Variants in SECISBP2L observed in about 807,000 individuals in gnomAD.
SECISBP2L encodes the protein selenocysteine insertion sequence-binding protein 2-like.
SECISBP2L carries 43 observed loss-of-function variants against 114.7 expected under a neutral mutation model. The ratio of observed to expected loss-of-function variants is 0.38; its 90% CI spans 0.29 to 0.48. The LOEUF is 0.48. Ranked by LOEUF, SECISBP2L falls within the 20% of genes least tolerant of loss-of-function variation. SECISBP2L has a pLI of 0.98. For missense variants in SECISBP2L, 1,136 were observed against 1,301.1 expected (o/e 0.87, Z 1.95); for synonymous variants, 451 against 439.7 (o/e 1.03, Z -0.32).
chr15:49,005,638 A>G (rs1335437981), intron 14 of SECISBP2L, among the ~76,000 whole-genome samples: 1 of 122,772 alleles, frequency 8.1e-6, no homozygotes, highest in East Asian at 2.5e-4. Flanking sequence ...TTTTGAGCCT[A>G]TGTGTGTCTT....
chr15:48,999,580 C>G (rs1230358672), intron 16 of SECISBP2L, among the ~76,000 whole-genome samples: 1 of 152,002 alleles, frequency 6.6e-6, no homozygotes, highest in East Asian at 1.9e-4. Context: ...TGCAGTTGAG[C>G]CTGGAAGAAA....
At chr15:49,016,801 A>G (rs779208618) in intron 10 of SECISBP2L, 47 bp downstream of exon 10, 1 of 1,587,112 alleles carries the variant, frequency 6.3e-7, no homozygotes. Flanking sequence ...ATTCCATCAA[A>G]CCTAGCAAGT....
Position 48,992,557 on chromosome 15 carries a change from T to C in SECISBP2L, c.2993A>G (p.Glu998Gly). ...GGGTTCATGAGTATAATCTTCCTCC[T>C]CCTCCTCATCTTCATCTTCTTCTTC... ...LEEEEDEDEE[E>G]EEDYTHEPIS... The change falls in exon 18 of 18, where the codon GAG becomes GGG. Residue 998 changes from glutamate (E) to glycine (G), a missense_variant. Glu to Gly is a moderately conservative substitution (Grantham distance 98, BLOSUM62 -2). Coordinates refer to ENST00000559471, the MANE Select transcript of SECISBP2L (RefSeq NM_001193489.2). 1 of 1,614,114 alleles carries C rather than the reference T, an allele frequency of 6.2e-7. No individual in the cohort carries two copies. Among genetic ancestry groups the C allele is most frequent in the South Asian group, 1.1e-5 (1 of 91,086 alleles).
In SECISBP2L at chr15:49,041,899, T is replaced by C. The variant is rs1405011194; in HGVS notation, c.25-4130A>G. On this transcript the variant is annotated intron_variant, in intron 1 of 17. Transcript: ENST00000559471. ...CTTAAGAGATAACTACTAGCTGTGC[T>C]GTTTTTTTGATTAAAATGCCGAAAC... Among the ~76,000 whole-genome samples the C allele has an allele frequency of 5.9e-5, 9 of 152,268 alleles. No individual in the cohort carries two copies. The South Asian group carries it at 1.7e-3, about 28-fold the overall frequency.
rs61663836 is a variant in SECISBP2L at position 49,010,124 on chromosome 15, G to GAC, written c.1865-748_1865-747dup. 7.4e-3 allele frequency among the ~76,000 whole-genome samples: 1,032 copies of GAC among 138,812 alleles called. 8 individuals are homozygous for GAC. Among genetic ancestry groups the GAC allele is most frequent in the South Asian group, 0.042 (177 of 4,192 alleles). The allele number at this position is 138,812 out of a possible 152,430, so 91.1% of individuals were successfully genotyped here. ...TCCAGCCTGGGCAACAACAGAGGCAGACACACACACACACACACACACACA... is the reference window on the plus strand; with the variant it reads ...TCCAGCCTGGGCAACAACAGAGGCAGACACACACACACACACACACACACACA... On this transcript the variant is annotated intron_variant, in intron 13 of 17. Coordinates refer to ENST00000559471, the MANE Select transcript of SECISBP2L (RefSeq NM_001193489.2).
chr15:49,046,236 C>A, intron 1 of SECISBP2L, 40 bp downstream of exon 1: 1 of 1,571,026 alleles, frequency 6.4e-7, no homozygotes, highest in Non-Finnish European at 8.6e-7. Flanking sequence ...AGCGGCGACC[C>A]CAACCCCCGG....
At chr15:49,012,993 T>C in intron 11 of SECISBP2L, 176 bp from the exon 12 acceptor site, 1 of 606,918 alleles carries the variant, frequency 1.6e-6, no homozygotes, top group East Asian at 2.9e-5. Context: ...TTACCTATCC[T>C]TTAGAGACTA....
At chr15:49,015,323 A>G (rs986758536) in intron 11 of SECISBP2L, among the ~76,000 whole-genome samples, 2 of 152,148 alleles carry the variant, frequency 1.3e-5, no homozygotes, top group African/African-American at 4.8e-5. Flanking sequence ...CCATCTCAAC[A>G]TGCAACTCTA....
intron 1 of SECISBP2L, among the ~76,000 whole-genome samples, chr15:49,038,306 G>T (rs1281023125): frequency 6.6e-6 from 1 of 151,882 alleles, no homozygotes; most frequent in Admixed American, 6.6e-5. Context: ...TTAAACTGGG[G>T]AAAATATGAG....
At chr15:48,998,036 G>T (rs757696677) in intron 16 of SECISBP2L, among the ~76,000 whole-genome samples, 1 of 152,126 alleles carries the variant, frequency 6.6e-6, no homozygotes, top group Non-Finnish European at 1.5e-5. Flanking sequence ...CCTGTTAAAT[G>T]TCCAATTTAG....
intron 8 of SECISBP2L, 88 bp from the exon 9 acceptor site, chr15:49,017,716 G>T: frequency 1.2e-6 from 1 of 830,700 alleles, no homozygotes; most frequent in South Asian, 1.7e-5. Flanking sequence ...AAATGAGGAA[G>T]TTATTTCTTG....
At chr15:49,000,790 T>C (rs560730386) in intron 15 of SECISBP2L, 87 bp downstream of exon 15, 2 of 1,080,172 alleles carry the variant, frequency 1.9e-6, no homozygotes, top group Admixed American at 2.8e-5. Context: ...TAAACTCTGA[T>C]GAGAAAGACA....
intron 14 of SECISBP2L, among the ~76,000 whole-genome samples, chr15:49,004,060 GTCTGGTTCTAGGCTTTTTT>G (rs548785339): frequency 2.6e-5 from 4 of 152,238 alleles, no homozygotes; most frequent in Non-Finnish European, 5.9e-5. Context: ...CTGTGAATAT[GTCTGGTTCTAGGCTTTTTT>G]TGGTTGGTAG....
At chr15:49,043,016 G>A (rs1903173206) in intron 1 of SECISBP2L, among the ~76,000 whole-genome samples, 1 of 152,164 alleles carries the variant, frequency 6.6e-6, no homozygotes. Flanking sequence ...GACAGAGTGA[G>A]ACTCCGTCTC....
intron 9 of SECISBP2L, 100 bp downstream of exon 9, chr15:49,017,448 T>C (rs926651964): frequency 9.3e-6 from 7 of 751,412 alleles, no homozygotes; most frequent in African/African-American, 8.9e-5. Flanking sequence ...CACACTCTGC[T>C]GCTCCATGTG....
At chr15:49,028,298 G>A (rs1008873417) in intron 5 of SECISBP2L, 130 bp from the exon 6 acceptor site, 2 of 983,134 alleles carry the variant, frequency 2.0e-6, no homozygotes, top group African/African-American at 3.3e-5. Flanking sequence ...CTTCATAAAT[G>A]AATATTTTTA....
intron 4 of SECISBP2L, among the ~76,000 whole-genome samples, chr15:49,032,083 C>T (rs1418701009): frequency 2.0e-5 from 3 of 152,078 alleles, no homozygotes; most frequent in African/African-American, 7.2e-5. Context: ...TGGATCTAAG[C>T]AACCGTAAAA....
chr15:48,999,603 G>A (rs950989411), intron 16 of SECISBP2L, among the ~76,000 whole-genome samples: 1 of 152,016 alleles, frequency 6.6e-6, no homozygotes, highest in Admixed American at 6.6e-5. Flanking sequence ...AACCACTTTG[G>A]CAGAAATACG....
Position 49,027,477 on chromosome 15 carries a change from C to A in SECISBP2L, c.923G>T (p.Gly308Val), listed in dbSNP as rs1902768256. The A allele has an allele frequency of 6.5e-7, 1 of 1,529,158 alleles. No homozygotes were observed. 94.7% of individuals were successfully genotyped at this position (1,529,158 alleles called of 1,614,324 possible). A position where few individuals can be genotyped will look rare whatever the true frequency, so the allele number is the denominator to read the frequency against. The change falls in exon 7 of 18, where the codon GGT (glycine) becomes GTT (valine). Residue 308 changes from glycine (G) to valine (V), a missense_variant. Gly to Val is a moderately radical substitution (Grantham distance 109). Around this residue, in one of 2 missense-constraint regions of SECISBP2L, gnomAD observed 452 missense variants for 452.3 expected, o/e 1.00. Transcript: ENST00000559471. ...GCAAGTTACATTGGACCAATTTACA[C>A]CACCTATAACAAATGAAATTTTAAA... ...NHVESSMCAG[G>V]VNWSNVTCQA...
Sources: gnomAD v4.1 joint callset for allele counts (sites outside exome capture counted in the v4.1 genomes callset) on GRCh38, gnomAD v4.1.1 for gene constraint, gnomAD v4.1.1 regional missense constraint, MANE v1.5 for transcripts, NCBI Gene and HGNC (gene_info 2026-07-23, HGNC 2026-07-21) for gene names.